Variants in NREP observed in about 807,000 individuals in gnomAD.
The protein encoded by NREP is neuronal regeneration-related protein.
NREP carries 5 observed loss-of-function variants against 8.6 expected under a neutral mutation model. The ratio of observed to expected loss-of-function variants is 0.58; its 90% CI spans 0.30 to 1.22. The LOEUF (loss-of-function observed/expected upper bound fraction) is 1.22, where lower values mean the gene tolerates loss of function less well. Among genes scored for constraint, NREP ranks in the 50% most tolerant of loss-of-function variants. The pLI, the probability that NREP is intolerant of heterozygous loss-of-function variation, is 0.07. For missense variants in NREP, 86 were observed against 82.5 expected (o/e 1.04, Z -0.17); for synonymous variants, 27 against 28.0 (o/e 0.96, Z 0.11).
intron 2 of NREP, among the ~76,000 whole-genome samples, chr5:111,927,011 G>C (rs1581225580): frequency 1.3e-5 from 2 of 151,960 alleles, no homozygotes; most frequent in South Asian, 4.1e-4. Flanking sequence ...TGGCCAGCGT[G>C]TCTCCCCTAT....
chr5:111,930,411 C>T (rs369031347), intron 2 of NREP, among the ~76,000 whole-genome samples: 3 of 152,132 alleles, frequency 2.0e-5, no homozygotes, highest in African/African-American at 7.2e-5. Context: ...TAAACTTTCC[C>T]TTCTATCAAC....
At chr5:111,818,205 ATAT>A (rs1187865102) in intron 2 of NREP, among the ~76,000 whole-genome samples, 6 of 152,154 alleles carry the variant, frequency 3.9e-5, no homozygotes, top group Non-Finnish European at 7.4e-5. Flanking sequence ...CTGCAGTGTC[ATAT>A]TATAATTAAT....
Position 111,757,165 on chromosome 5 carries a change from C to T in NREP, c.-88G>A, listed in dbSNP as rs1040148013. On this transcript the variant is annotated 5_prime_UTR_variant, in exon 1 of 4. Transcript: ENST00000257435. ...AAAAGCCCCGCTCCCTGTTCACTCT[C>T]TCTCCTCTCTACACCTGAAACACAA... 1.0e-6 allele frequency: 1 copy of T among 982,058 alleles called. No individual in the cohort carries two copies. Among genetic ancestry groups the T allele is most frequent in the African/African-American group, 1.8e-5 (1 of 56,618 alleles). The allele number at this position is 982,058 out of a possible 1,614,324, so 60.8% of individuals were successfully genotyped here.
chr5:111,794,913 G>A (rs1305849675), intron 2 of NREP, among the ~76,000 whole-genome samples: 2 of 150,394 alleles, frequency 1.3e-5, no homozygotes, highest in Admixed American at 6.7e-5. Context: ...CACAGAGGCC[G>A]TTTTGCATAT....
intron 2 of NREP, among the ~76,000 whole-genome samples, chr5:111,809,014 C>T (rs1226569775): frequency 2.6e-5 from 4 of 152,342 alleles, no homozygotes; most frequent in African/African-American, 4.8e-5. Flanking sequence ...ATCATTTGTA[C>T]ATCTTCCAGG....
chr5:111,827,529 G>A (rs1752657269), intron 2 of NREP, among the ~76,000 whole-genome samples: 1 of 152,180 alleles, frequency 6.6e-6, no homozygotes, highest in African/African-American at 2.4e-5. Context: ...AAATGGTTAT[G>A]CCAGTTGCCC....
At chr5:111,900,904 T>A (rs529852636) in intron 2 of NREP, among the ~76,000 whole-genome samples, 1 of 152,266 alleles carries the variant, frequency 6.6e-6, no homozygotes, top group African/African-American at 2.4e-5. Context: ...CTTAATTTAT[T>A]TTATGAGATC....
chr5:111,949,173 G>A (rs527584684), intron 2 of NREP, among the ~76,000 whole-genome samples: 1 of 152,118 alleles, frequency 6.6e-6, no homozygotes, highest in South Asian at 2.1e-4. Context: ...GGCAATTAAA[G>A]CATATTTATT....
At chr5:111,819,212 T>A (rs1344129527) in intron 2 of NREP, among the ~76,000 whole-genome samples, 1 of 152,194 alleles carries the variant, frequency 6.6e-6, no homozygotes, top group Non-Finnish European at 1.5e-5. Context: ...TCACCTGCTC[T>A]GACCTGAATC....
intron 2 of NREP, among the ~76,000 whole-genome samples, chr5:111,887,187 G>A (rs77789985): frequency 0.051 from 7,788 of 151,928 alleles, 472 homozygotes; most frequent in East Asian, 0.23. Flanking sequence ...GTCTCCCAAG[G>A]TGCTGAGATT....
chr5:111,760,705 C>T (rs982516627), upstream of NREP, among the ~76,000 whole-genome samples: 3 of 152,160 alleles, frequency 2.0e-5, no homozygotes, highest in Admixed American at 6.5e-5. Context: ...GAGGCAGGGG[C>T]AGATCATGAG....
intron 2 of NREP, among the ~76,000 whole-genome samples, chr5:111,957,557 T>A (rs2042130596): frequency 6.7e-6 from 1 of 149,834 alleles, no homozygotes; most frequent in African/African-American, 2.5e-5. Context: ...AAATGTGTTA[T>A]CTATGATATT....
chr5:111,922,549 T>C (rs1040646746), intron 2 of NREP, among the ~76,000 whole-genome samples: 1 of 152,156 alleles, frequency 6.6e-6, no homozygotes, highest in Admixed American at 6.5e-5. Context: ...CTTCCCATTC[T>C]CTGAGCTCGA....
intron 2 of NREP, among the ~76,000 whole-genome samples, chr5:111,874,717 T>G (rs939209765): frequency 1.3e-5 from 2 of 152,178 alleles, no homozygotes; most frequent in Non-Finnish European, 2.9e-5. Context: ...CATGACTAAG[T>G]TGATACCTTA....
At chr5:111,876,491 G>A (rs1163429794) in intron 2 of NREP, among the ~76,000 whole-genome samples, 2 of 152,146 alleles carry the variant, frequency 1.3e-5, no homozygotes, top group African/African-American at 4.8e-5. Flanking sequence ...CAGGGGGCAA[G>A]CCACTGGTCT....
chr5:111,898,835 C>A (rs1379882161), intron 2 of NREP, among the ~76,000 whole-genome samples: 3 of 152,088 alleles, frequency 2.0e-5, no homozygotes, highest in African/African-American at 7.2e-5. Context: ...ATTCTGAAAA[C>A]AGCAAGAGCA....
At chr5:111,944,543 A>G (rs1279062589) in intron 2 of NREP, among the ~76,000 whole-genome samples, 3 of 152,118 alleles carry the variant, frequency 2.0e-5, no homozygotes, top group Non-Finnish European at 1.5e-5. Flanking sequence ...CCTGAGCTCA[A>G]GCAGTCCACA....
At chr5:111,976,439 T>C in intron 1 of NREP, among the ~76,000 whole-genome samples, 1 of 152,200 alleles carries the variant, frequency 6.6e-6, no homozygotes, top group Non-Finnish European at 1.5e-5. Context: ...TCAGCCTCCT[T>C]GGAAGCAGGA....
At chr5:111,846,420 C>CTTTTTGTTTTTTTTTTT (rs1753169697) in intron 2 of NREP, 1 of 44,416 alleles carries the variant, frequency 2.3e-5, no homozygotes, top group African/African-American at 8.5e-5. Flanking sequence ...TTTTTGTTTG[C>CTTTTTGTTTTTTTTTTT]TTTTTTTTTT....
Sources: gnomAD v4.1 joint callset for allele counts (sites outside exome capture counted in the v4.1 genomes callset) on GRCh38, gnomAD v4.1.1 for gene constraint, MANE v1.5 for transcripts, NCBI Gene and HGNC (gene_info 2026-07-23, HGNC 2026-07-21) for gene names.